The following CUX1 variants were observed in gnomAD, a reference collection of about 807,000 sequenced individuals.
CUX1 encodes the protein cut like homeobox 1, also known as protein CASP.
In CUX1, 31 loss-of-function variants were observed where a neutral mutation model predicts 158.8. That is an observed-to-expected ratio of 0.20 (90% CI 0.15 to 0.26). The LOEUF (loss-of-function observed/expected upper bound fraction) is 0.26. Ranked by LOEUF, CUX1 falls within the 10% of genes least tolerant of loss-of-function variation. The probability of loss-of-function intolerance (pLI) is 1.00; values close to 1 mark genes in which losing one functional copy is unlikely to be tolerated. For synonymous variants in CUX1, 879 were observed against 862.1 expected (o/e 1.02, Z -0.34); for missense variants, 1,589 against 2,014.6 (o/e 0.79, Z 4.04).
chr7:102,209,516 C>T (rs139943958), intron 20 of CUX1, among the ~76,000 whole-genome samples: 23 of 152,314 alleles, frequency 1.5e-4, no homozygotes, highest in African/African-American at 4.6e-4. Flanking sequence ...GACAAATCTT[C>T]AGATCAGTTA....
intron 3 of CUX1, among the ~76,000 whole-genome samples, chr7:102,034,145 C>CAAAAAA (rs10655613): frequency 0.028 from 1,373 of 48,548 alleles, 416 homozygotes; most frequent in African/African-American, 0.055. Flanking sequence ...GACTCCATCT[C>CAAAAAA]AAAAAAAAAA....
rs557908163 is a variant in CUX1 at position 101,999,402 on chromosome 7, G to A, written c.142-28696G>A. Among the ~76,000 whole-genome samples the A allele has an allele frequency of 2.6e-5, 4 of 152,082 alleles. No individual in the cohort carries two copies. In the East Asian group the frequency reaches 7.8e-4, roughly 30 times the overall value. ...CCTTTTCATATGAGCTGAGCCTGCA[G>A]GCTGTGCCTAAGCATAGCCCTTTGA... On this transcript the variant is annotated intron_variant, in intron 2 of 23. Coordinates refer to ENST00000292535, the MANE Select transcript of CUX1 (RefSeq NM_181552.4).
At chr7:101,978,634 C>T (rs568161321) in intron 2 of CUX1, among the ~76,000 whole-genome samples, 1 of 152,376 alleles carries the variant, frequency 6.6e-6, no homozygotes, top group Admixed American at 6.5e-5. Flanking sequence ...TTCCATCCAA[C>T]CTTCCACATT....
intron 20 of CUX1, among the ~76,000 whole-genome samples, chr7:102,209,194 T>G (rs1796272158): frequency 6.6e-6 from 1 of 152,252 alleles, no homozygotes; most frequent in Admixed American, 6.5e-5. Flanking sequence ...TTGCCTTGTC[T>G]GTCCTTCCGT....
chr7:102,021,463 A>T (rs1472987282), intron 2 of CUX1, among the ~76,000 whole-genome samples: 3 of 152,046 alleles, frequency 2.0e-5, no homozygotes, highest in African/African-American at 7.2e-5. Context: ...CTGCACCACC[A>T]TACTCACTAA....
At chr7:102,135,360 A>G (rs1833784628) in intron 8 of CUX1, among the ~76,000 whole-genome samples, 2 of 152,182 alleles carry the variant, frequency 1.3e-5, no homozygotes, top group South Asian at 2.1e-4. Context: ...TGGATCATCA[A>G]AAAGGTCTTC....
intron 1 of CUX1, among the ~76,000 whole-genome samples, chr7:101,822,073 CT>C (rs1792707197): frequency 6.6e-6 from 1 of 151,980 alleles, no homozygotes; most frequent in Non-Finnish European, 1.5e-5. Flanking sequence ...CCAGGATGGT[CT>C]CGATCTCCTG....
At chr7:102,212,019 C>T (rs1004352750) in intron 20 of CUX1, among the ~76,000 whole-genome samples, 7 of 152,134 alleles carry the variant, frequency 4.6e-5, no homozygotes, top group Non-Finnish European at 8.8e-5. Flanking sequence ...ACTCAGGGAC[C>T]TTGCCGGAAA....
chr7:102,191,691 C>A (rs1554517022), intron 12 of CUX1, among the ~76,000 whole-genome samples: 1 of 152,140 alleles, frequency 6.6e-6, no homozygotes, highest in Non-Finnish European at 1.5e-5. Flanking sequence ...AGTTAGTCGT[C>A]GTCTTCATTG....
rs986049417 is a variant in CUX1, at chr7:102,255,107, C to T, written c.*6065C>T. 2.0e-6 allele frequency: 2 copies of T among 985,330 alleles called. No homozygotes were observed. The highest frequency in any genetic ancestry group is 1.2e-6 in the Non-Finnish European group (1 of 829,988). 61.0% of individuals were successfully genotyped at this position (985,330 alleles called of 1,614,324 possible). ...AGCCCAGTCTTCCCAATCCCAGAGG[C>T]CCCGGCGGCCTGTGCTCCTCACCAC... On this transcript the variant is annotated 3_prime_UTR_variant, in exon 24 of 24. Coordinates refer to ENST00000292535, the MANE Select transcript of CUX1 (RefSeq NM_181552.4).
At chr7:101,906,339 G>A (rs534609871) in intron 1 of CUX1, among the ~76,000 whole-genome samples, 1 of 152,040 alleles carries the variant, frequency 6.6e-6, no homozygotes, top group African/African-American at 2.4e-5. Flanking sequence ...GGTGAGGCAG[G>A]AGGAGCAGGG....
chr7:102,193,770 C>G lies in CUX1; in HGVS notation c.1077-72C>G, dbSNP rs1317522443. On this transcript the variant is annotated intron_variant, in intron 12 of 23. Coordinates refer to ENST00000292535, the MANE Select transcript of CUX1 (RefSeq NM_181552.4). ...TGAGCCAATATCGCGCCACTGCACT[C>G]TAGCCTGGGTGACAGAACGAGACTC... 2.6e-6 allele frequency: 4 copies of G among 1,521,924 alleles called. No homozygotes were observed. In the African/African-American group the frequency reaches 5.5e-5, roughly 21 times the overall value. 94.3% of individuals were successfully genotyped at this position (1,521,924 alleles called of 1,614,324 possible).
chr7:101,837,443 C>T (rs1794750356), intron 1 of CUX1, among the ~76,000 whole-genome samples: 1 of 152,122 alleles, frequency 6.6e-6, no homozygotes, highest in African/African-American at 2.4e-5. Context: ...ATCTTACCTC[C>T]TCTGTGGATA....
chr7:102,216,685 C>A (rs1319657401), intron 20 of CUX1, among the ~76,000 whole-genome samples: 1 of 30,480 alleles, frequency 3.3e-5, no homozygotes, highest in African/African-American at 7.7e-5. Flanking sequence ...ACACACACTC[C>A]CCCACACACA....
Position 102,234,043 on chromosome 7 carries a change from T to A in CUX1, c.3434-9T>A. The A allele has an allele frequency of 6.8e-6, 10 of 1,467,380 alleles. No individual in the cohort carries two copies. The highest frequency in any genetic ancestry group is 9.1e-6 in the Non-Finnish European group (10 of 1,104,418). 90.9% of individuals were successfully genotyped at this position (1,467,380 alleles called of 1,614,324 possible). ...GACAATACCTGTCTTGCTTCTGTTT[T>A]CTCTCTAGGCCAGCGCTTATTTGGG... On this transcript the variant is annotated splice_polypyrimidine_tract_variant and intron_variant, in intron 21 of 23. Transcript: ENST00000292535.
intron 1 of CUX1, among the ~76,000 whole-genome samples, chr7:101,870,149 T>G (rs932362206): frequency 1.9e-4 from 22 of 113,564 alleles, no homozygotes; most frequent in African/African-American, 1.1e-4. Flanking sequence ...TTAGTGTTTT[T>G]TTTGTTTTTT....
intron 12 of CUX1, among the ~76,000 whole-genome samples, chr7:102,191,701 G>A (rs184386221): frequency 2.6e-5 from 4 of 152,082 alleles, no homozygotes; most frequent in Non-Finnish European, 4.4e-5. Flanking sequence ...CGTCTTCATT[G>A]TCGTCTTCGT....
At chr7:102,141,453 C>A (rs1415137270) in intron 8 of CUX1, among the ~76,000 whole-genome samples, 1 of 152,094 alleles carries the variant, frequency 6.6e-6, no homozygotes, top group African/African-American at 2.4e-5. Flanking sequence ...GTTGAAGGAG[C>A]TTGGGTTGGT....
chr7:102,191,596 T>G (rs1794284118), intron 12 of CUX1, among the ~76,000 whole-genome samples: 1 of 152,082 alleles, frequency 6.6e-6, no homozygotes, highest in African/African-American at 2.4e-5. Flanking sequence ...TCTTCTTCCC[T>G]CTTCCAAAAA....
Sources: allele counts gnomAD v4.1 joint callset (sites outside exome capture counted in the v4.1 genomes callset), GRCh38; gene constraint gnomAD v4.1.1; transcripts MANE v1.5; gene names NCBI Gene and HGNC (gene_info 2026-07-23, HGNC 2026-07-21).